Variants in WT1 observed in about 807,000 individuals in gnomAD.
WT1 encodes Wilms tumor protein.
Under a neutral mutation model 60.8 loss-of-function variants are expected in WT1, and 8 were observed. The observed-to-expected ratio is 0.13, with a 90% CI of 0.08 to 0.24. The LOEUF (loss-of-function observed/expected upper bound fraction) is 0.24. WT1 is among the 10% of genes least tolerant of loss of function. WT1 has a pLI of 1.00. For synonymous variants in WT1, 312 were observed against 297.1 expected (o/e 1.05, Z -0.52); for missense variants, 568 against 711.8 (o/e 0.80, Z 2.30).
At chr11:32,396,556 A>G in intron 6 of WT1, 149 bp from the exon 7 acceptor site, 8 of 972,140 alleles carry the variant, frequency 8.2e-6, no homozygotes, top group Non-Finnish European at 1.3e-5. Flanking sequence ...CCAGATCCCC[A>G]TGGCAGACAT....
intron 9 of WT1, among the ~76,000 whole-genome samples, chr11:32,389,475 G>T (rs1799718879): frequency 6.6e-6 from 1 of 152,182 alleles, no homozygotes; most frequent in Non-Finnish European, 1.5e-5. Context: ...TAATTAAGGG[G>T]AAAAACGTTT....
chr11:32,400,274 G>T, intron 5 of WT1: 1 of 609,254 alleles, frequency 1.6e-6, no homozygotes, highest in African/African-American at 1.8e-5. Flanking sequence ...ATTCTCGTAG[G>T]CGTGCACCGT....
At chr11:32,418,824 C>A (rs1852762621) in intron 3 of WT1, among the ~76,000 whole-genome samples, 1 of 152,180 alleles carries the variant, frequency 6.6e-6, no homozygotes, top group South Asian at 2.1e-4. Context: ...TAAATCATGG[C>A]AGAGTCCATC....
At chr11:32,408,676 T>C (rs933240371) in intron 5 of WT1, among the ~76,000 whole-genome samples, 1 of 151,698 alleles carries the variant, frequency 6.6e-6, no homozygotes, top group Non-Finnish European at 1.5e-5. Context: ...GACTGTAAGA[T>C]AAAACAATCT....
chr11:32,388,774 T>G lies in WT1; in HGVS notation c.*284A>C, dbSNP rs1279088777. The G allele has an allele frequency of 1.1e-5, 6 of 522,610 alleles. No individual in the cohort carries two copies. The highest frequency in any genetic ancestry group is 2.1e-5 in the Non-Finnish European group (6 of 289,776). The allele number at this position is 522,610 out of a possible 1,614,324, so 32.4% of individuals were successfully genotyped here. ...GGGACATGATCAGCTATGGCTCTTCTTACAGTAGAAAATCCACACCAAATG... is the reference window on the plus strand; with the variant it reads ...GGGACATGATCAGCTATGGCTCTTCGTACAGTAGAAAATCCACACCAAATG... On this transcript the variant is annotated 3_prime_UTR_variant, in exon 10 of 10. Coordinates refer to ENST00000452863, the MANE Select transcript of WT1 (RefSeq NM_024426.6).
rs770618081 is a variant in WT1 at position 32,434,963 on chromosome 11, G to A, written c.398C>T (p.Pro133Leu). The change falls in exon 1 of 10, where the codon CCG becomes CTG. Residue 133 changes from proline (P) to leucine (L), a missense_variant. Pro to Leu is a moderately conservative substitution (Grantham distance 98). Coordinates refer to ENST00000452863, the MANE Select transcript of WT1 (RefSeq NM_024426.6). ...AGGCGGCGGCGGCGGGGGTGGCGGCGGAGCCGGTGGCGGCGCGGGGCCGCC... is the reference window on the plus strand; with the variant it reads ...AGGCGGCGGCGGCGGGGGTGGCGGCAGAGCCGGTGGCGGCGCGGGGCCGCC... 3.2e-6 allele frequency: 5 copies of A among 1,549,004 alleles called. No homozygotes were observed. The highest frequency in any genetic ancestry group is 1.4e-5 in the African/African-American group (1 of 73,398).
chr11:32,429,260 C>T (rs5030158), intron 1 of WT1, among the ~76,000 whole-genome samples: 3 of 152,114 alleles, frequency 2.0e-5, no homozygotes, highest in Admixed American at 6.5e-5. Context: ...GGCGACCCTG[C>T]GCTCTCCTCC....
At chr11:32,413,488 A>G (rs1430946992) in intron 5 of WT1, among the ~76,000 whole-genome samples, 7 of 152,146 alleles carry the variant, frequency 4.6e-5, no homozygotes, top group Non-Finnish European at 8.8e-5. Flanking sequence ...CAAACTTTCT[A>G]CTGGAATTAC....
chr11:32,408,514 TAAAAAAAAAAAAAAAA>T (rs58685266), intron 5 of WT1, among the ~76,000 whole-genome samples: 17 of 74,236 alleles, frequency 2.3e-4, no homozygotes, highest in Admixed American at 6.5e-4. Flanking sequence ...GACTACGTCT[TAAAAAAAAAAAAAAAA>T]AAAAAAAAAA....
At chr11:32,428,756 C>T (rs1038175579) in intron 1 of WT1, 137 bp from the exon 2 acceptor site, 2 of 1,418,092 alleles carry the variant, frequency 1.4e-6, no homozygotes, top group Non-Finnish European at 1.9e-6. Context: ...AATCCAGCCC[C>T]ACAAGCCTCC....
At chr11:32,416,372 T>C in intron 5 of WT1, 118 bp downstream of exon 5, 1 of 1,271,458 alleles carries the variant, frequency 7.9e-7, no homozygotes, top group Non-Finnish European at 1.1e-6. Context: ...GAGAGATTCT[T>C]CCCATCCACC....
At chr11:32,426,414 A>G (rs1173184760) in intron 3 of WT1, among the ~76,000 whole-genome samples, 1 of 152,218 alleles carries the variant, frequency 6.6e-6, no homozygotes, top group African/African-American at 2.4e-5. Flanking sequence ...CAGTTTTGCT[A>G]GGGAAGGAGA....
chr11:32,435,089 A>T lies in WT1; in HGVS notation c.272T>A (p.Leu91Gln). ...CAGGGCACAGCCGCCGCCGCCACCC[A>T]GGGAGGGGACGGCGGGCAGCAGCGC... Residue 91 changes from leucine to glutamine, a missense_variant, in exon 1 of 10, where the codon CTG becomes CAG. By Grantham distance (113) the Leu-to-Gln change is moderately radical. Transcript: ENST00000452863. 6.7e-7 allele frequency: 1 copy of T among 1,502,752 alleles called. No individual in the cohort carries two copies. 93.1% of individuals were successfully genotyped at this position (1,502,752 alleles called of 1,614,324 possible). A position where few individuals can be genotyped will look rare whatever the true frequency, so the allele number is the denominator to read the frequency against.
intron 5 of WT1, among the ~76,000 whole-genome samples, chr11:32,415,383 T>C (rs372938696): frequency 9.0e-4 from 137 of 152,272 alleles, no homozygotes; most frequent in African/African-American, 3.1e-3. Flanking sequence ...GCACGGTGGC[T>C]CACGCCTGTA....
chr11:32,413,506 A>G (rs1214793514), intron 5 of WT1, among the ~76,000 whole-genome samples: 2 of 152,256 alleles, frequency 1.3e-5, no homozygotes, highest in Non-Finnish European at 2.9e-5. Flanking sequence ...TACAGATTCA[A>G]CTAAATCCAG....
chr11:32,407,670 G>A (rs1852357540), intron 5 of WT1, among the ~76,000 whole-genome samples: 1 of 151,952 alleles, frequency 6.6e-6, no homozygotes, highest in African/African-American at 2.4e-5. Flanking sequence ...CCCCACCCTC[G>A]ATACTCAGGG....
In WT1 at chr11:32,429,593, G is replaced by A. The variant is rs1274580193; in HGVS notation, c.662-974C>T. Among the ~76,000 whole-genome samples, 7 of 152,196 alleles carry A rather than the reference G, an allele frequency of 4.6e-5. No individual in the cohort carries two copies. In the South Asian group the frequency reaches 1.0e-3, roughly 23 times the overall value. ...TTCTGGAAAGCTGTTGCTGCCTCTG[G>A]GGAAAAGGATCCTTCGGCTAAAGAT... On this transcript the variant is annotated intron_variant, in intron 1 of 9. Coordinates refer to ENST00000452863, the MANE Select transcript of WT1 (RefSeq NM_024426.6).
At chr11:32,417,371 T>C in intron 4 of WT1, 2 of 587,242 alleles carry the variant, frequency 3.4e-6, no homozygotes, top group Non-Finnish European at 6.0e-6. Context: ...TTGTTCCAGA[T>C]AGAAACAACC....
chr11:32,393,884 G>C (rs1009857625), intron 7 of WT1, among the ~76,000 whole-genome samples: 1 of 152,110 alleles, frequency 6.6e-6, no homozygotes, highest in Admixed American at 6.6e-5. Flanking sequence ...CTAAGGGCTG[G>C]AGCCTTTTTA....
Sources: gnomAD v4.1 joint callset for allele counts (sites outside exome capture counted in the v4.1 genomes callset) on GRCh38, gnomAD v4.1.1 for gene constraint, MANE v1.5 for transcripts, NCBI Gene and HGNC (gene_info 2026-07-23, HGNC 2026-07-21) for gene names.